The following VWCE variants were observed in gnomAD, a reference collection of about 807,000 sequenced individuals.
VWCE encodes the protein von Willebrand factor C and EGF domains, also known as von Willebrand factor C and EGF domain-containing protein.
In VWCE, 68 loss-of-function variants were observed where a neutral mutation model predicts 102.9. That is an observed-to-expected ratio of 0.66 (90% CI 0.54 to 0.81). The LOEUF (loss-of-function observed/expected upper bound fraction) is 0.81. VWCE is among the 30% of genes least tolerant of loss of function. VWCE has a pLI of 0.00. For missense variants in VWCE, 1,137 were observed against 1,263.6 expected (o/e 0.90, Z 1.52); for synonymous variants, 497 against 515.4 (o/e 0.96, Z 0.48).
At position 61,294,895 on chromosome 11, in the gene VWCE, G is replaced by A. The variant is rs1235331517; in HGVS notation, c.110+33C>T. 2.2e-6 allele frequency: 3 copies of A among 1,338,194 alleles called. No individual in the cohort carries two copies. The East Asian group carries it at 9.1e-5, about 41-fold the overall frequency. The allele number at this position is 1,338,194 out of a possible 1,614,324, so 82.9% of individuals were successfully genotyped here. A position where few individuals can be genotyped will look rare whatever the true frequency, so the allele number is the denominator to read the frequency against. ...CTGCACGCCGGTAGCGCTCTCCCGG[G>A]CGGGGGAGCGGGGAGGAGCTCCGGG... On this transcript the variant is annotated intron_variant, in intron 1 of 19. Transcript: ENST00000335613. This position sits in a 1 kb window ranked among gnomAD's most constrained non-coding sequence, Gnocchi z 6.3.
At position 61,264,554 on chromosome 11, in the gene VWCE, C is replaced by T; in HGVS notation, c.2163G>A (p.Lys721=). Residue 721 remains lysine (K), a synonymous_variant, in exon 19 of 20, where the codon AAG becomes AAA. Transcript: ENST00000335613. ...TCQLGEVSCE[K]VPCQRACADP... Reference sequence around the variant, plus strand: ...CGGCACAGGCCCGCTGGCAGGGAACCTTCTCACAGCTCACCTCTCCCAGCT... The same window carrying T: ...CGGCACAGGCCCGCTGGCAGGGAACTTTCTCACAGCTCACCTCTCCCAGCT... 3 of 1,611,750 alleles carry T rather than the reference C, an allele frequency of 1.9e-6. No homozygotes were observed. The highest frequency in any genetic ancestry group is 2.5e-6 in the Non-Finnish European group (3 of 1,179,142).
chr11:61,278,494 G>C lies in VWCE; in HGVS notation c.1325-18C>G. 1 of 1,613,350 alleles carries C rather than the reference G, an allele frequency of 6.2e-7. No individual in the cohort carries two copies. The highest frequency in any genetic ancestry group is 8.5e-7 in the Non-Finnish European group (1 of 1,179,400). The stretch of plus-strand genomic sequence containing the variant: ...AAAACAGCCTTTGAAGGACAAATAG[G>C]AGGTAGAGGCATCAGACCTCTTCAA... On this transcript the variant is annotated intron_variant, in intron 9 of 19. Coordinates refer to ENST00000335613, the MANE Select transcript of VWCE (RefSeq NM_152718.2).
Position 61,259,110 on chromosome 11 carries a change from C to G in VWCE, c.2433G>C (p.Gln811His). ...LLLRTNLMKT[Q>H]TLPTSPAGAH... ...CTCCTGCCGGGCTTGTAGGTAAAGT[C>G]TGTGTTTTCATCAAGTTCGTTCTTA... Residue 811 changes from glutamine (Q) to histidine (H), a missense_variant, in exon 20 of 20, where the codon CAG (glutamine) becomes CAC (histidine). Gln to His is a conservative substitution (Grantham distance 24). Transcript: ENST00000335613. 2 of 1,614,110 alleles carry G rather than the reference C, an allele frequency of 1.2e-6. No homozygotes were observed. Among genetic ancestry groups the G allele is most frequent in the Non-Finnish European group, 1.7e-6 (2 of 1,179,990 alleles).
In VWCE at chr11:61,294,810, C is replaced by T; in HGVS notation, c.110+118G>A. ...AGCTGTGCCCGCGCTGATAGCACCCCAGAGGAAGCCCCGACACGCGGCTGC... is the reference window on the plus strand; with the variant it reads ...AGCTGTGCCCGCGCTGATAGCACCCTAGAGGAAGCCCCGACACGCGGCTGC... On this transcript the variant is annotated intron_variant, in intron 1 of 19. Transcript: ENST00000335613. The surrounding 1 kb of genome is among the most constrained non-coding windows in gnomAD (Gnocchi z 6.3). 1 of 619,824 alleles carries T rather than the reference C, an allele frequency of 1.6e-6. No individual in the cohort carries two copies. The highest frequency in any genetic ancestry group is 2.4e-6 in the Non-Finnish European group (1 of 410,028). 38.4% of individuals were successfully genotyped at this position (619,824 alleles called of 1,614,324 possible).
In VWCE at chr11:61,267,491, G is replaced by T. The variant is rs1854548043; in HGVS notation, c.1936C>A (p.Leu646Met). ...CAGATGCAGCTCAGACATGGGTCCAGCACAGACGGGAAGGTCTCGTTGTTA... is the reference window on the plus strand; with the variant it reads ...CAGATGCAGCTCAGACATGGGTCCATCACAGACGGGAAGGTCTCGTTGTTA... ...FYNNETFPSV[L>M]DPCLSCICLL... The change falls in exon 16 of 20, where the codon CTG (leucine) becomes ATG (methionine). Residue 646 changes from leucine to methionine, a missense_variant. Coordinates refer to ENST00000335613, the MANE Select transcript of VWCE (RefSeq NM_152718.2). The T allele has an allele frequency of 1.2e-6, 2 of 1,614,064 alleles. No individual in the cohort carries two copies. The highest frequency in any genetic ancestry group is 1.7e-5 in the Admixed American group (1 of 60,008).
At chr11:61,267,864 G>A (rs926431071) in intron 15 of VWCE, among the ~76,000 whole-genome samples, 1 of 152,000 alleles carries the variant, frequency 6.6e-6, no homozygotes, top group Non-Finnish European at 1.5e-5. Flanking sequence ...CGAGGTGTGT[G>A]TGAGGCCCCA....
chr11:61,264,510 C>G lies in VWCE; in HGVS notation c.2207G>C (p.Gly736Ala). ...ACCTGGACAGGAAGAGCAGCAGTCCCCAGGAAGCAGGGCAGGGTCGGCACA... is the reference window on the plus strand; with the variant it reads ...ACCTGGACAGGAAGAGCAGCAGTCCGCAGGAAGCAGGGCAGGGTCGGCACA... ...RACADPALLP[G>A]DCCSSCPDSL... Residue 736 changes from glycine to alanine, a missense_variant, in exon 19 of 20, where the codon GGG becomes GCG. Gly to Ala is a moderately conservative substitution (Grantham distance 60). Around this residue, in one of 5 missense-constraint regions of VWCE, gnomAD observed 316 missense variants for 319.3 expected, o/e 0.99. Coordinates refer to ENST00000335613, the MANE Select transcript of VWCE (RefSeq NM_152718.2). 6.2e-7 allele frequency: 1 copy of G among 1,613,644 alleles called. No homozygotes were observed. The highest frequency in any genetic ancestry group is 8.5e-7 in the Non-Finnish European group (1 of 1,179,854).
Position 61,294,933 on chromosome 11 carries a change from G to GGCC in VWCE, c.102_104dup (p.Ala35dup). 1 of 1,434,172 alleles carries GGCC rather than the reference G, an allele frequency of 7.0e-7. No individual in the cohort carries two copies. Among genetic ancestry groups the GGCC allele is most frequent in the Non-Finnish European group, 9.2e-7 (1 of 1,092,124 alleles). 88.8% of individuals were successfully genotyped at this position (1,434,172 alleles called of 1,614,324 possible). The stretch of plus-strand genomic sequence containing the variant: ...GAGGAGCTCCGGGCGCTTACCTCTC[G>GGCC]GCCGCGAAGTGCCCGGGCGGCTTCC... On this transcript the variant is annotated inframe_insertion, in exon 1 of 20. Coordinates refer to ENST00000335613, the MANE Select transcript of VWCE (RefSeq NM_152718.2). This position sits in a 1 kb window ranked among gnomAD's most constrained non-coding sequence, Gnocchi z 6.3.
chr11:61,285,276 T>A (rs891735738), intron 5 of VWCE, among the ~76,000 whole-genome samples: 32 of 152,158 alleles, frequency 2.1e-4, no homozygotes, highest in Admixed American at 5.9e-4. Context: ...TATGAAAATG[T>A]CAAACATAAA....
At chr11:61,288,999 C>A (rs1855417275) in intron 4 of VWCE, among the ~76,000 whole-genome samples, 1 of 151,416 alleles carries the variant, frequency 6.6e-6, no homozygotes, top group African/African-American at 2.4e-5. Flanking sequence ...CCACCACACC[C>A]ACCTAATTTT....
chr11:61,275,711 T>C (rs1854882556), intron 11 of VWCE, among the ~76,000 whole-genome samples: 1 of 152,084 alleles, frequency 6.6e-6, no homozygotes, highest in South Asian at 2.1e-4. Flanking sequence ...TGAGATGGAG[T>C]TCTGGTAAGC....
At chr11:61,274,398 G>T in intron 12 of VWCE, 101 bp downstream of exon 12, 1 of 1,139,802 alleles carries the variant, frequency 8.8e-7, no homozygotes, top group Non-Finnish European at 1.3e-6. Context: ...GTTGCTGTAT[G>T]ACAACTCATG....
In VWCE at chr11:61,273,494, T is replaced by TG. The variant is rs570146628; in HGVS notation, c.1582-179dup. 3.3e-5 allele frequency among the ~76,000 whole-genome samples: 5 copies of TG among 149,436 alleles called. No homozygotes were observed. The South Asian group carries it at 1.1e-3, about 32-fold the overall frequency. Reference sequence around the variant, plus strand: ...ATCTCCAAGGAGCACAACAGTGGGGTGGGGGGAACTGGGAGTCCTTCAATG... The same window carrying TG: ...ATCTCCAAGGAGCACAACAGTGGGGTGGGGGGGAACTGGGAGTCCTTCAATG... On this transcript the variant is annotated intron_variant, in intron 12 of 19. Coordinates refer to ENST00000335613, the MANE Select transcript of VWCE (RefSeq NM_152718.2).
intron 16 of VWCE, 92 bp downstream of exon 16, chr11:61,267,370 G>T (rs1854544012): frequency 2.4e-6 from 3 of 1,271,178 alleles, no homozygotes; most frequent in Non-Finnish European, 3.4e-6. Flanking sequence ...CCTTGTCTTG[G>T]AGGTCTCTGG....
At chr11:61,264,415 C>A (rs1454545232) in intron 19 of VWCE, 72 bp downstream of exon 19, 2 of 1,447,070 alleles carry the variant, frequency 1.4e-6, no homozygotes, top group African/African-American at 2.8e-5. Flanking sequence ...TTTACAAGTT[C>A]TATGTACCGG....
chr11:61,258,789 A>G lies in VWCE; in HGVS notation c.2754T>C (p.Pro918=). 1 of 1,495,938 alleles carries G rather than the reference A, an allele frequency of 6.7e-7. No homozygotes were observed. The highest frequency in any genetic ancestry group is 8.9e-7 in the Non-Finnish European group (1 of 1,123,590). The allele number at this position is 1,495,938 out of a possible 1,614,324, so 92.7% of individuals were successfully genotyped here. A position where few individuals can be genotyped will look rare whatever the true frequency, so the allele number is the denominator to read the frequency against. ...PSKTPITLLG[P]RVLSPTTSRL... is the part of the protein sequence containing the mutation. ...TAGAGGTGGTGGGAGAAAGCACGCG[A>G]GGCCCGAGGAGGGTGATGGGGGTCT... Residue 918 remains proline, a synonymous_variant, in exon 20 of 20, where the codon CCT becomes CCC. Transcript: ENST00000335613.
At chr11:61,291,414 C>A in intron 2 of VWCE, 61 bp from the exon 3 acceptor site, 3 of 1,577,834 alleles carry the variant, frequency 1.9e-6, no homozygotes, top group South Asian at 1.2e-5. Context: ...CCCCTCGGAC[C>A]AGGGACTGAG....
intron 12 of VWCE, among the ~76,000 whole-genome samples, 177 bp downstream of exon 12, chr11:61,274,322 A>T (rs991944203): frequency 3.9e-5 from 6 of 152,138 alleles, no homozygotes; most frequent in Non-Finnish European, 8.8e-5. Context: ...TTGAAAGATG[A>T]AGTTCAAAGA....
chr11:61,274,421 T>A, intron 12 of VWCE, 78 bp downstream of exon 12: 1 of 1,392,246 alleles, frequency 7.2e-7, no homozygotes. Context: ...CTCCTAGTCA[T>A]GTCAACCTGA....
Sources: allele counts gnomAD v4.1 joint callset (sites outside exome capture counted in the v4.1 genomes callset), GRCh38; gene constraint gnomAD v4.1.1; regional missense constraint gnomAD v4.1.1; non-coding constraint Gnocchi (gnomAD v3.1); transcripts MANE v1.5; gene names NCBI Gene and HGNC (gene_info 2026-07-23, HGNC 2026-07-21).